MICU1: variants seen among roughly 807,000 people sequenced by gnomAD.
MICU1 encodes mitochondrial calcium uptake 1, also known as calcium uptake protein 1, mitochondrial.
Under a neutral mutation model 56.8 loss-of-function variants are expected in MICU1, and 45 were observed. That is an observed-to-expected ratio of 0.79 (90% CI 0.62 to 1.02). MICU1 has a LOEUF of 1.02. Among genes scored for constraint, MICU1 ranks in the 50% least tolerant of loss-of-function variants. The pLI is 0.00. For missense variants in MICU1, 504 were observed against 587.1 expected, an observed-to-expected ratio of 0.86 and a Z score of 1.46; for synonymous variants, 186 against 195.1, an observed-to-expected ratio of 0.95 and a Z score of 0.39.
chr10:72,465,289 T>G (rs1446936950), intron 8 of MICU1, among the ~76,000 whole-genome samples: 2 of 149,260 alleles, frequency 1.3e-5, no homozygotes, highest in African/African-American at 4.9e-5. Context: ...TGAGCCACCA[T>G]GCCCAGCCCA....
intron 5 of MICU1, among the ~76,000 whole-genome samples, chr10:72,517,163 T>C (rs1867672604): frequency 6.6e-6 from 1 of 152,152 alleles, no homozygotes; most frequent in Admixed American, 6.5e-5. Flanking sequence ...AAATGGGAGT[T>C]ACTAGAAAAC....
chr10:72,575,000 G>A (rs6415911), intron 1 of MICU1, among the ~76,000 whole-genome samples: 86,064 of 152,060 alleles, frequency 0.57, 25,759 homozygotes, highest in Non-Finnish European at 0.68. Flanking sequence ...GAGATGCCCG[G>A]ATGATGTCAA....
chr10:72,407,994 T>C lies in MICU1; in HGVS notation c.1115A>G (p.Lys372Arg). The C allele has an allele frequency of 6.2e-7, 1 of 1,613,894 alleles. No homozygotes were observed. The highest frequency in any genetic ancestry group is 8.5e-7 in the Non-Finnish European group (1 of 1,179,842). The change falls in exon 10 of 12, where the codon AAG becomes AGG. Residue 372 changes from lysine (K) to arginine (R), a missense_variant. Coordinates refer to ENST00000361114, the MANE Select transcript of MICU1 (RefSeq NM_001195518.2). ...QEVENFFTFL[K>R]NINDVDTALS... is the part of the protein sequence containing the mutation. ...TGCAGTGTCCACATCATTAATGTTC[T>C]TTAGGAAAGTAAAGAAGTTCTCCAC...
At chr10:72,546,831 T>C (rs1839904526) in intron 4 of MICU1, among the ~76,000 whole-genome samples, 1 of 151,370 alleles carries the variant, frequency 6.6e-6, no homozygotes, top group African/African-American at 2.4e-5. Flanking sequence ...GTTCAAGTGA[T>C]CCCTCCACCT....
chr10:72,444,062 G>A (rs1865026121), intron 8 of MICU1, among the ~76,000 whole-genome samples: 1 of 152,072 alleles, frequency 6.6e-6, no homozygotes, highest in Admixed American at 6.6e-5. Context: ...ATGAGTTCAT[G>A]TCCTTTGTAG....
At chr10:72,517,712 A>C (rs551538645) in intron 5 of MICU1, among the ~76,000 whole-genome samples, 1 of 152,188 alleles carries the variant, frequency 6.6e-6, no homozygotes, top group East Asian at 1.9e-4. Context: ...AAATCTCACA[A>C]ATCACCACTA....
At chr10:72,456,642 G>C (rs1865466558) in intron 8 of MICU1, among the ~76,000 whole-genome samples, 2 of 152,142 alleles carry the variant, frequency 1.3e-5, no homozygotes, top group Admixed American at 6.6e-5. Flanking sequence ...GAAACTATGT[G>C]ATATAATAAA....
chr10:72,418,065 T>A lies in MICU1; in HGVS notation c.1071+5169A>T, dbSNP rs117767887. ...GCCTGGTGAAGGGGGAAGCCTTTTATGAAACCATCAGATCTCATGAGAACT... is the reference window on the plus strand; with the variant it reads ...GCCTGGTGAAGGGGGAAGCCTTTTAAGAAACCATCAGATCTCATGAGAACT... On this transcript the variant is annotated intron_variant, in intron 9 of 11. Transcript: ENST00000361114. 4.2e-3 allele frequency among the ~76,000 whole-genome samples: 641 copies of A among 152,260 alleles called. 3 individuals carry two copies. Among genetic ancestry groups the A allele is most frequent in the Middle Eastern group, 0.014 (4 of 294 alleles).
intron 11 of MICU1, among the ~76,000 whole-genome samples, chr10:72,372,808 C>T (rs1342952529): frequency 6.6e-6 from 1 of 151,708 alleles, no homozygotes; most frequent in African/African-American, 2.4e-5. Flanking sequence ...TGCCATTGCA[C>T]TCCAGCCTGG....
intron 8 of MICU1, among the ~76,000 whole-genome samples, chr10:72,447,214 A>T (rs1865133741): frequency 6.6e-6 from 1 of 152,190 alleles, no homozygotes; most frequent in South Asian, 2.1e-4. Flanking sequence ...TATGGGGCAC[A>T]AATAGGTTGA....
chr10:72,510,392 T>G (rs966082522), intron 5 of MICU1, among the ~76,000 whole-genome samples: 2 of 152,176 alleles, frequency 1.3e-5, no homozygotes, highest in Non-Finnish European at 2.9e-5. Context: ...CATGCCACTT[T>G]GAAAGTAAAT....
chr10:72,408,683 C>T (rs952238087), intron 9 of MICU1, among the ~76,000 whole-genome samples: 1 of 152,206 alleles, frequency 6.6e-6, no homozygotes, highest in African/African-American at 2.4e-5. Context: ...TGGGCTATAG[C>T]TACTTGACTT....
intron 1 of MICU1, among the ~76,000 whole-genome samples, chr10:72,588,384 A>G (rs976062237): frequency 6.6e-6 from 1 of 151,824 alleles, no homozygotes; most frequent in African/African-American, 2.4e-5. Flanking sequence ...CTAAGAATCT[A>G]TGAGGGAAAG....
intron 9 of MICU1, among the ~76,000 whole-genome samples, chr10:72,413,864 G>A (rs1342425625): frequency 6.6e-6 from 1 of 152,138 alleles, no homozygotes; most frequent in Non-Finnish European, 1.5e-5. Flanking sequence ...ACAAGTGAAT[G>A]GCTAATAAGT....
At chr10:72,612,483 A>G (rs913958885) in intron 1 of MICU1, among the ~76,000 whole-genome samples, 2 of 152,146 alleles carry the variant, frequency 1.3e-5, no homozygotes, top group South Asian at 4.1e-4. Context: ...AGGCTTTGAC[A>G]GTCAAATTGC....
chr10:72,544,144 G>A (rs1386460252), intron 4 of MICU1, among the ~76,000 whole-genome samples: 3 of 140,166 alleles, frequency 2.1e-5, no homozygotes, highest in South Asian at 2.2e-4. Context: ...TCTGATTACC[G>A]GTGCATGCAG....
chr10:72,448,177 A>G (rs865843877), intron 8 of MICU1, among the ~76,000 whole-genome samples: 457 of 26,964 alleles, frequency 0.017, 4 homozygotes, highest in African/African-American at 0.026. Context: ...GTGTGTGTAT[A>G]TATATATATA....
chr10:72,458,738 C>A (rs1326545464), intron 8 of MICU1, among the ~76,000 whole-genome samples: 1 of 149,180 alleles, frequency 6.7e-6, no homozygotes, highest in Non-Finnish European at 1.5e-5. Context: ...AATACAGGGT[C>A]TCACTCTGTT....
chr10:72,610,275 T>A (rs372634164), intron 1 of MICU1, among the ~76,000 whole-genome samples: 3,161 of 128,020 alleles, frequency 0.025, 115 homozygotes, highest in African/African-American at 0.082. Context: ...AAAAAAAAAA[T>A]AGTAAAAAAG....
Sources: allele counts gnomAD v4.1 joint callset (sites outside exome capture counted in the v4.1 genomes callset), GRCh38; gene constraint gnomAD v4.1.1; transcripts MANE v1.5; gene names NCBI Gene and HGNC (gene_info 2026-07-23, HGNC 2026-07-21).